PRELID2: variants seen among roughly 807,000 people sequenced by gnomAD.
PRELID2 encodes the protein PRELI domain containing 2, also known as PRELI domain-containing protein 2.
PRELID2 carries 25 observed loss-of-function variants against 28.4 expected under a neutral mutation model. That is an observed-to-expected ratio of 0.88 (90% CI 0.64 to 1.23). The LOEUF (loss-of-function observed/expected upper bound fraction) is 1.23, where lower values mean the gene tolerates loss of function less well. Among genes scored for constraint, PRELID2 ranks in the 50% most tolerant of loss-of-function variants. The pLI is 0.00. For missense variants in PRELID2, 201 were observed against 214.4 expected, an observed-to-expected ratio of 0.94 and a Z score of 0.39; for synonymous variants, 76 against 71.6, an observed-to-expected ratio of 1.06 and a Z score of -0.31.
the PRELID2 span, among the ~76,000 whole-genome samples, chr5:145,350,371 G>C: frequency 2.4e-3 from 373 of 152,266 alleles, 5 homozygotes; most frequent in Non-Finnish European, 2.5e-3. Context: ...TCATTAGGCA[G>C]GTAAGAGACA....
the PRELID2 span, among the ~76,000 whole-genome samples, chr5:145,419,727 T>C: frequency 6.6e-6 from 1 of 152,134 alleles, no homozygotes; most frequent in Non-Finnish European, 1.5e-5. Flanking sequence ...AGAAGCTCTT[T>C]AGTTTAATTA....
the PRELID2 span, among the ~76,000 whole-genome samples, chr5:145,318,227 TGCCTTCTATATTAAA>T: frequency 6.6e-6 from 1 of 152,216 alleles, no homozygotes; most frequent in Admixed American, 6.5e-5. Flanking sequence ...AACATAGTGG[TGCCTTCTATATTAAA>T]GAAGATAAAT....
At chr5:145,330,276 T>C in the PRELID2 span, among the ~76,000 whole-genome samples, 1 of 152,226 alleles carries the variant, frequency 6.6e-6, no homozygotes, top group Non-Finnish European at 1.5e-5. Flanking sequence ...ATCAGGATGA[T>C]GTTTGCCTCA....
At chr5:145,455,441 C>A in the PRELID2 span, among the ~76,000 whole-genome samples, 4 of 152,082 alleles carry the variant, frequency 2.6e-5, no homozygotes, top group African/African-American at 9.6e-5. Flanking sequence ...TTTTTTGGTT[C>A]CATATGAAAT....
intron 1 of PRELID2, among the ~76,000 whole-genome samples, chr5:145,510,920 A>T (rs1440210436): frequency 3.3e-5 from 5 of 152,218 alleles, no homozygotes; most frequent in Non-Finnish European, 7.3e-5. Flanking sequence ...TTTGGAATTC[A>T]GCATCTCTAC....
the PRELID2 span, among the ~76,000 whole-genome samples, chr5:145,456,654 C>G: frequency 1.3e-5 from 2 of 152,236 alleles, no homozygotes; most frequent in Admixed American, 6.5e-5. Flanking sequence ...CACCTCTCCC[C>G]TAACAATAAA....
At chr5:145,666,340 G>A (rs543973518) in intron 1 of PRELID2, among the ~76,000 whole-genome samples, 1 of 152,158 alleles carries the variant, frequency 6.6e-6, no homozygotes, top group East Asian at 1.9e-4. Flanking sequence ...CAAGATATGG[G>A]TCAGCCTCCA....
the PRELID2 span, among the ~76,000 whole-genome samples, chr5:145,339,113 A>G: frequency 6.6e-6 from 1 of 152,260 alleles, no homozygotes; most frequent in Non-Finnish European, 1.5e-5. Context: ...TACAGAACTT[A>G]AGAATTGACT....
chr5:145,564,925 C>A (rs913703868), intron 1 of PRELID2, among the ~76,000 whole-genome samples: 3 of 152,192 alleles, frequency 2.0e-5, no homozygotes, highest in Non-Finnish European at 2.9e-5. Context: ...AGGCTTCCTG[C>A]GCTTCCCGGA....
At chr5:145,671,621 A>G (rs1034491191) in intron 1 of PRELID2, among the ~76,000 whole-genome samples, 1 of 152,176 alleles carries the variant, frequency 6.6e-6, no homozygotes, top group African/African-American at 2.4e-5. Context: ...ATGGCATATA[A>G]ACAATTCACC....
chr5:145,768,523 G>A (rs1007360238), intron 5 of PRELID2, among the ~76,000 whole-genome samples: 1 of 152,000 alleles, frequency 6.6e-6, no homozygotes, highest in Non-Finnish European at 1.5e-5. Flanking sequence ...CAAATCTCTG[G>A]ACAATAATTA....
At chr5:145,405,565 C>G in the PRELID2 span, among the ~76,000 whole-genome samples, 24 of 152,106 alleles carry the variant, frequency 1.6e-4, no homozygotes, top group South Asian at 2.3e-3. Flanking sequence ...TTGTAGGAAG[C>G]ATGGTGACAA....
chr5:145,818,426 A>G (rs1581266524), intron 3 of PRELID2, among the ~76,000 whole-genome samples: 1 of 152,304 alleles, frequency 6.6e-6, no homozygotes, highest in South Asian at 2.1e-4. Context: ...AATATCAGGT[A>G]AAATATTTTC....
chr5:145,457,751 T>C, the PRELID2 span, among the ~76,000 whole-genome samples: 1 of 152,188 alleles, frequency 6.6e-6, no homozygotes, highest in Non-Finnish European at 1.5e-5. Context: ...TCATAAAGGC[T>C]CAGTGGACAA....
At chr5:145,508,883 C>G (rs1752437607) in intron 1 of PRELID2, among the ~76,000 whole-genome samples, 1 of 152,176 alleles carries the variant, frequency 6.6e-6, no homozygotes, top group South Asian at 2.1e-4. Flanking sequence ...GGCAGGGAAT[C>G]AGGGATGCCC....
chr5:145,507,351 A>G (rs1292904618), intron 1 of PRELID2, among the ~76,000 whole-genome samples: 2 of 152,056 alleles, frequency 1.3e-5, no homozygotes, highest in Non-Finnish European at 2.9e-5. Flanking sequence ...GGGGGGAAAA[A>G]CTGCAGATTT....
the PRELID2 span, among the ~76,000 whole-genome samples, chr5:145,264,269 C>T: frequency 2.0e-5 from 3 of 152,090 alleles, no homozygotes; most frequent in Non-Finnish European, 2.9e-5. Flanking sequence ...CTGAATTCAA[C>T]AGCAAATCAA....
the PRELID2 span, among the ~76,000 whole-genome samples, chr5:145,385,832 C>A: frequency 6.6e-6 from 1 of 152,066 alleles, no homozygotes; most frequent in Admixed American, 6.6e-5. Flanking sequence ...TTCATAAAGC[C>A]TTTCCAGTAC....
In PRELID2 at chr5:145,819,676, T is replaced by C. The variant is rs371808837; in HGVS notation, c.207+269A>G. On this transcript the variant is annotated intron_variant, in intron 3 of 6. Coordinates refer to ENST00000683046, the MANE Select transcript of PRELID2 (RefSeq NM_205846.3). ...ATGAACAGATTAGATAGTCACTTCATGCAAAATGCCAAAAGTATCTTTAAA... is the reference window on the plus strand; with the variant it reads ...ATGAACAGATTAGATAGTCACTTCACGCAAAATGCCAAAAGTATCTTTAAA... The C allele has an allele frequency of 8.4e-4, 474 of 565,800 alleles. 4 individuals are homozygous for C. Among genetic ancestry groups the C allele is most frequent in the African/African-American group, 7.7e-3 (398 of 51,940 alleles). 35.0% of individuals were successfully genotyped at this position (565,800 alleles called of 1,614,324 possible). A position where few individuals can be genotyped will look rare whatever the true frequency, so the allele number is the denominator to read the frequency against.
Sources: gnomAD v4.1 joint callset for allele counts (sites outside exome capture counted in the v4.1 genomes callset) on GRCh38, gnomAD v4.1.1 for gene constraint, MANE v1.5 for transcripts, NCBI Gene and HGNC (gene_info 2026-07-23, HGNC 2026-07-21) for gene names.